Variants in S100Z observed in about 807,000 individuals in gnomAD.
S100Z encodes the protein protein S100-Z.
In S100Z, 11 loss-of-function variants were observed where a neutral mutation model predicts 8.5. The observed-to-expected ratio is 1.30, with a 90% CI of 0.82 to 2.15. The LOEUF is 2.15. Ranked by LOEUF, S100Z falls within the 30% of genes most tolerant of loss-of-function variation. The pLI, the probability that S100Z is intolerant of heterozygous loss-of-function variation, is 0.00. For synonymous variants in S100Z, 34 were observed against 43.8 expected, an observed-to-expected ratio of 0.78 and a Z score of 0.89; for missense variants, 126 against 117.9, an observed-to-expected ratio of 1.07 and a Z score of -0.32.
At chr5:76,876,126 G>A (rs761566161) in intron 3 of S100Z, among the ~76,000 whole-genome samples, 1 of 152,118 alleles carries the variant, frequency 6.6e-6, no homozygotes, top group African/African-American at 2.4e-5. Flanking sequence ...AACACTTCAC[G>A]CTGGTGTTTA....
At chr5:76,934,778 C>T in the S100Z span, among the ~76,000 whole-genome samples, 1 of 152,176 alleles carries the variant, frequency 6.6e-6, no homozygotes, top group Non-Finnish European at 1.5e-5. Flanking sequence ...ACTTCCCAGA[C>T]TTCAGAACAG....
chr5:76,906,172 A>G (rs1459610614), intron 4 of S100Z, among the ~76,000 whole-genome samples: 4 of 152,228 alleles, frequency 2.6e-5, no homozygotes, highest in African/African-American at 7.2e-5. Flanking sequence ...ATTAAGGTAT[A>G]ATTGACAAAA....
intron 4 of S100Z, among the ~76,000 whole-genome samples, chr5:76,906,660 T>A (rs1345341421): frequency 6.6e-6 from 1 of 150,454 alleles, no homozygotes; most frequent in East Asian, 2.0e-4. Context: ...TGAGACAGAG[T>A]CAAGCTCTGT....
At chr5:76,888,437 G>A (rs1364187814) in intron 4 of S100Z, among the ~76,000 whole-genome samples, 8 of 127,168 alleles carry the variant, frequency 6.3e-5, no homozygotes, top group African/African-American at 2.1e-4. Context: ...GTGCAGTGGC[G>A]TGACCTCGGC....
chr5:76,869,789 C>A (rs1455227258), intron 1 of S100Z, among the ~76,000 whole-genome samples: 1 of 152,062 alleles, frequency 6.6e-6, no homozygotes, highest in Non-Finnish European at 1.5e-5. Flanking sequence ...GAGGCTGAGG[C>A]AGGTGGATCA....
chr5:76,897,957 A>G (rs972045836), intron 4 of S100Z, among the ~76,000 whole-genome samples: 2 of 152,096 alleles, frequency 1.3e-5, no homozygotes, highest in African/African-American at 2.4e-5. Flanking sequence ...TTTCTTTCCA[A>G]TTTGAATGCC....
intron 4 of S100Z, among the ~76,000 whole-genome samples, chr5:76,881,655 G>A (rs1743405766): frequency 6.6e-6 from 1 of 152,238 alleles, no homozygotes; most frequent in African/African-American, 2.4e-5. Flanking sequence ...ATGGGCTTGT[G>A]AGGCTGGAAG....
intron 4 of S100Z, among the ~76,000 whole-genome samples, chr5:76,914,058 C>G (rs1022324507): frequency 6.6e-6 from 1 of 152,158 alleles, no homozygotes; most frequent in South Asian, 2.1e-4. Context: ...ACAAGTGGAA[C>G]ACCAAATGAG....
chr5:76,902,144 C>T (rs553093511), intron 4 of S100Z, among the ~76,000 whole-genome samples: 1 of 152,188 alleles, frequency 6.6e-6, no homozygotes, highest in South Asian at 2.1e-4. Flanking sequence ...GGAAGGGGGT[C>T]TCTTTTGGAG....
chr5:76,876,364 C>T (rs1232317920), intron 3 of S100Z, among the ~76,000 whole-genome samples: 1 of 150,356 alleles, frequency 6.7e-6, no homozygotes, highest in African/African-American at 2.5e-5. Flanking sequence ...TTCCGTTTGG[C>T]TACTGTATTT....
intron 4 of S100Z, among the ~76,000 whole-genome samples, chr5:76,902,835 G>A (rs1052980524): frequency 1.3e-5 from 2 of 152,006 alleles, no homozygotes; most frequent in Non-Finnish European, 2.9e-5. Context: ...AACTATATAC[G>A]TTACCTTTCA....
chr5:76,925,296 C>CG (rs932412642), downstream of S100Z, among the ~76,000 whole-genome samples: 5 of 152,180 alleles, frequency 3.3e-5, 1 homozygote. Context: ...GGGGAGTATG[C>CG]GGGGGTGTGA....
chr5:76,945,090 C>T, the S100Z span, among the ~76,000 whole-genome samples: 12 of 152,176 alleles, frequency 7.9e-5, no homozygotes, highest in Non-Finnish European at 1.8e-4. Context: ...TAACTTTGCC[C>T]CAACCTTGAG....
rs191428674 is a variant in S100Z, at chr5:76,882,291, G to C, written c.*2+4457G>C. On this transcript the variant is annotated intron_variant, in intron 4 of 4. Transcript: ENST00000317593. Reference sequence around the variant, plus strand: ...ATGAAGGCTAGGCTAAAACAGTAAGGTCAAGTTGTTTGGATAAAAAGGCTA... The same window carrying C: ...ATGAAGGCTAGGCTAAAACAGTAAGCTCAAGTTGTTTGGATAAAAAGGCTA... 2.2e-4 allele frequency among the ~76,000 whole-genome samples: 34 copies of C among 152,282 alleles called. 1 individual carries two copies. Among genetic ancestry groups the C allele is most frequent in the Admixed American group, 2.1e-3 (32 of 15,298 alleles).
At chr5:76,928,565 A>G in the S100Z span, among the ~76,000 whole-genome samples, 1 of 152,200 alleles carries the variant, frequency 6.6e-6, no homozygotes, top group Non-Finnish European at 1.5e-5. Context: ...AAAATATCAA[A>G]GCCACACAGA....
At chr5:76,913,417 T>C (rs549037142) in intron 4 of S100Z, among the ~76,000 whole-genome samples, 2 of 152,342 alleles carry the variant, frequency 1.3e-5, no homozygotes, top group Non-Finnish European at 2.9e-5. Flanking sequence ...CCTAATGATA[T>C]GTCTGCTCAA....
At chr5:76,913,149 A>C (rs1233975427) in intron 4 of S100Z, among the ~76,000 whole-genome samples, 19 of 152,248 alleles carry the variant, frequency 1.2e-4, no homozygotes, top group Admixed American at 8.5e-4. Context: ...TGTCAGTGTA[A>C]ACAAGGGCGT....
intron 3 of S100Z, among the ~76,000 whole-genome samples, chr5:76,876,310 T>C (rs959362552): frequency 1.3e-5 from 2 of 152,178 alleles, no homozygotes; most frequent in Non-Finnish European, 2.9e-5. Context: ...CACGACATTT[T>C]TATAGTGATC....
chr5:76,884,355 G>C (rs994583178), intron 4 of S100Z, among the ~76,000 whole-genome samples: 4 of 152,176 alleles, frequency 2.6e-5, no homozygotes, highest in Admixed American at 1.3e-4. Flanking sequence ...GTTCCATTGG[G>C]ATCTTCTCGG....
Sources: gnomAD v4.1 joint callset for allele counts (sites outside exome capture counted in the v4.1 genomes callset) on GRCh38, gnomAD v4.1.1 for gene constraint, MANE v1.5 for transcripts, NCBI Gene and HGNC (gene_info 2026-07-23, HGNC 2026-07-21) for gene names.